GAB1: variants seen among roughly 807,000 people sequenced by gnomAD.
The protein encoded by GAB1 is GRB2 associated binding protein 1.
GAB1 carries 19 observed loss-of-function variants against 66.5 expected under a neutral mutation model. The ratio of observed to expected loss-of-function variants is 0.29; its 90% CI spans 0.20 to 0.42. The LOEUF (loss-of-function observed/expected upper bound fraction) is 0.42. Ranked by LOEUF, GAB1 falls within the 10% of genes least tolerant of loss-of-function variation. The probability of loss-of-function intolerance (pLI) is 1.00; values close to 1 mark genes in which losing one functional copy is unlikely to be tolerated. For synonymous variants in GAB1, 294 were observed against 301.4 expected, an observed-to-expected ratio of 0.98 and a Z score of 0.25; for missense variants, 732 against 858.5, an observed-to-expected ratio of 0.85 and a Z score of 1.84.
At chr4:143,441,770 T>C (rs1734254570) in intron 6 of GAB1, among the ~76,000 whole-genome samples, 1 of 152,224 alleles carries the variant, frequency 6.6e-6, no homozygotes, top group Admixed American at 6.5e-5. Context: ...GATTCTGCTT[T>C]CCAAGAGCTT....
At chr4:143,393,355 TAC>T (rs769691108) in intron 1 of GAB1, among the ~76,000 whole-genome samples, 8 of 152,096 alleles carry the variant, frequency 5.3e-5, no homozygotes, top group Non-Finnish European at 1.2e-4. Context: ...AGACAAATAG[TAC>T]AGTGTTAAGT....
Position 143,418,916 on chromosome 4 carries a change from T to C in GAB1, c.367+3145T>C, listed in dbSNP as rs113488519. Among the ~76,000 whole-genome samples, 1,142 of 152,318 alleles carry C rather than the reference T, an allele frequency of 7.5e-3. 11 individuals carry two copies. The highest frequency in any genetic ancestry group is 0.026 in the African/African-American group (1,093 of 41,574). ...TTTGGCCACCTTAGGATGATTCTTATCATTTGGGAGCCTGACAAACACCCA... is the reference window on the plus strand; with the variant it reads ...TTTGGCCACCTTAGGATGATTCTTACCATTTGGGAGCCTGACAAACACCCA... On this transcript the variant is annotated intron_variant, in intron 2 of 9. Coordinates refer to ENST00000262994, the MANE Select transcript of GAB1 (RefSeq NM_002039.4).
intron 1 of GAB1, among the ~76,000 whole-genome samples, chr4:143,371,645 A>C (rs1429853425): frequency 2.0e-5 from 3 of 152,254 alleles, no homozygotes; most frequent in Middle Eastern, 3.4e-3. Flanking sequence ...TCTGAATGGT[A>C]TTGCGTAGGT....
intron 1 of GAB1, among the ~76,000 whole-genome samples, chr4:143,369,906 C>T (rs1431231383): frequency 6.6e-6 from 1 of 152,192 alleles, no homozygotes; most frequent in Admixed American, 6.5e-5. Context: ...ATTTCCATAG[C>T]AGCACTAAAA....
In GAB1 at chr4:143,470,775, A is replaced by G. The variant is rs1046909661; in HGVS notation, c.*1586A>G. The stretch of plus-strand genomic sequence containing the variant: ...TGCCTGAGTACACAGATGTGCCCTG[A>G]TTTCTGGCCCATTGGCCATAGTACT... On this transcript the variant is annotated 3_prime_UTR_variant, in exon 10 of 10. Coordinates refer to ENST00000262994, the MANE Select transcript of GAB1 (RefSeq NM_002039.4). The G allele has an allele frequency of 6.6e-6, 1 of 152,236 alleles. No homozygotes were observed. Among genetic ancestry groups the G allele is most frequent in the African/African-American group, 2.4e-5 (1 of 41,456 alleles). 9.4% of individuals were successfully genotyped at this position (152,236 alleles called of 1,614,324 possible).
intron 4 of GAB1, among the ~76,000 whole-genome samples, chr4:143,438,869 A>C (rs1026025878): frequency 3.3e-5 from 5 of 152,000 alleles, no homozygotes; most frequent in Admixed American, 2.6e-4. Context: ...CACTTTCTAT[A>C]ATCCTGGGTG....
At chr4:143,388,301 T>C (rs1731011812) in intron 1 of GAB1, among the ~76,000 whole-genome samples, 1 of 152,148 alleles carries the variant, frequency 6.6e-6, no homozygotes, top group African/African-American at 2.4e-5. Context: ...AGTGGCTATT[T>C]TGTTGATCAG....
chr4:143,463,349 T>C (rs114047690), intron 8 of GAB1, among the ~76,000 whole-genome samples: 2,316 of 152,060 alleles, frequency 0.015, 54 homozygotes, highest in African/African-American at 0.053. Flanking sequence ...AGGCCGGGCA[T>C]AGTGGCTCAC....
intron 1 of GAB1, among the ~76,000 whole-genome samples, chr4:143,370,209 A>C (rs1185809158): frequency 6.6e-6 from 1 of 152,208 alleles, no homozygotes; most frequent in Non-Finnish European, 1.5e-5. Context: ...TCTGTACGTG[A>C]GGAAGAAAGA....
At chr4:143,361,120 G>T (rs1373366720) in intron 1 of GAB1, among the ~76,000 whole-genome samples, 1 of 146,202 alleles carries the variant, frequency 6.8e-6, no homozygotes, top group Non-Finnish European at 1.5e-5. Flanking sequence ...TTGGGAAGGA[G>T]TTTTTTTTTT....
chr4:143,350,981 T>C lies in GAB1; in HGVS notation c.72+13721T>C, dbSNP rs759385575. 2.0e-4 allele frequency among the ~76,000 whole-genome samples: 30 copies of C among 152,270 alleles called. 1 individual carries two copies. Among genetic ancestry groups the C allele is most frequent in the African/African-American group, 6.7e-4 (28 of 41,556 alleles). Reference sequence around the variant, plus strand: ...ATGCAATGGGGATGTGCTCACTTCTTCAGGGCCCCACTGCTCAAACCTCTA... The same window carrying C: ...ATGCAATGGGGATGTGCTCACTTCTCCAGGGCCCCACTGCTCAAACCTCTA... On this transcript the variant is annotated intron_variant, in intron 1 of 9. Coordinates refer to ENST00000262994, the MANE Select transcript of GAB1 (RefSeq NM_002039.4).
At chr4:143,439,629 G>T in intron 4 of GAB1, 173 bp from the exon 5 acceptor site, 1 of 573,324 alleles carries the variant, frequency 1.7e-6, no homozygotes, top group East Asian at 2.8e-5. Context: ...GCATTTTCTA[G>T]TGGTTTAATA....
At chr4:143,370,565 T>A (rs1039523469) in intron 1 of GAB1, among the ~76,000 whole-genome samples, 16 of 152,102 alleles carry the variant, frequency 1.1e-4, no homozygotes, top group Admixed American at 3.9e-4. Context: ...CTTTTTTTTT[T>A]AAATTAAAGT....
intron 6 of GAB1, among the ~76,000 whole-genome samples, chr4:143,458,346 C>T (rs1735304939): frequency 1.3e-5 from 2 of 152,056 alleles, no homozygotes; most frequent in Non-Finnish European, 2.9e-5. Context: ...TGACAAAATA[C>T]TTATGAGCCT....
chr4:143,461,353 G>A (rs1426889446), intron 8 of GAB1, among the ~76,000 whole-genome samples: 1 of 152,166 alleles, frequency 6.6e-6, no homozygotes, highest in Non-Finnish European at 1.5e-5. Context: ...CAAGGCTGTT[G>A]TGGCAGCTCT....
chr4:143,395,034 T>C (rs1731371496), intron 1 of GAB1: 1 of 152,232 alleles, frequency 6.6e-6, no homozygotes, highest in South Asian at 2.1e-4. Context: ...TCCTAAGAGC[T>C]TGATCATTGT....
chr4:143,471,857 T>G lies in GAB1; in HGVS notation c.*2668T>G, dbSNP rs1736095635. 2 of 152,166 alleles carry G rather than the reference T, an allele frequency of 1.3e-5. No individual in the cohort carries two copies. 9.4% of individuals were successfully genotyped at this position (152,166 alleles called of 1,614,324 possible). A position where few individuals can be genotyped will look rare whatever the true frequency, so the allele number is the denominator to read the frequency against. ...AACACATCAGAATGTGCGTTTTTAT[T>G]AGGTTTTAAAATATGCACGTATAAA... On this transcript the variant is annotated 3_prime_UTR_variant, in exon 10 of 10. Coordinates refer to ENST00000262994, the MANE Select transcript of GAB1 (RefSeq NM_002039.4).
chr4:143,463,622 CAAAAAAA>C (rs76973454), intron 8 of GAB1, among the ~76,000 whole-genome samples: 2 of 66,330 alleles, frequency 3.0e-5, no homozygotes, highest in East Asian at 1.0e-3. Context: ...GACTCCATCT[CAAAAAAA>C]AAAAAAAAAA....
chr4:143,434,072 T>C (rs1465442197), intron 3 of GAB1: 14 of 1,250,514 alleles, frequency 1.1e-5, no homozygotes, highest in Non-Finnish European at 1.5e-5. Flanking sequence ...CCATTTCTTA[T>C]GTGATTGTAA....
Sources: gnomAD v4.1 joint callset for allele counts (sites outside exome capture counted in the v4.1 genomes callset) on GRCh38, gnomAD v4.1.1 for gene constraint, MANE v1.5 for transcripts, NCBI Gene and HGNC (gene_info 2026-07-23, HGNC 2026-07-21) for gene names.